Variants in LRRCC1 observed in about 807,000 individuals in gnomAD.
LRRCC1 encodes leucine rich repeat and coiled-coil centrosomal protein 1.
Under a neutral mutation model 126.0 loss-of-function variants are expected in LRRCC1, and 115 were observed. The observed-to-expected ratio is 0.91, with a 90% CI of 0.78 to 1.07. The LOEUF (loss-of-function observed/expected upper bound fraction) is 1.07, where lower values mean the gene tolerates loss of function less well. LRRCC1 is among the 50% of genes least tolerant of loss of function. The pLI, the probability that LRRCC1 is intolerant of heterozygous loss-of-function variation, is 0.00. For synonymous variants in LRRCC1, 400 were observed against 393.4 expected (o/e 1.02, Z -0.20); for missense variants, 1,172 against 1,175.7 (o/e 1.00, Z 0.05).
intron 14 of LRRCC1, among the ~76,000 whole-genome samples, 174 bp downstream of exon 14, chr8:85,136,137 G>C (rs978117566): frequency 6.6e-6 from 1 of 152,140 alleles, no homozygotes; most frequent in Non-Finnish European, 1.5e-5. Context: ...GACCTCTTAG[G>C]AAATGAGAAA....
chr8:85,116,188 T>C (rs1238393257), intron 6 of LRRCC1, among the ~76,000 whole-genome samples: 1 of 152,160 alleles, frequency 6.6e-6, no homozygotes, highest in Non-Finnish European at 1.5e-5. Context: ...CAACCCTCAC[T>C]CCAGCATTCT....
intron 18 of LRRCC1, among the ~76,000 whole-genome samples, chr8:85,143,427 C>G (rs1388245844): frequency 6.6e-6 from 1 of 151,950 alleles, no homozygotes; most frequent in Admixed American, 6.6e-5. Context: ...CACTCAAGAC[C>G]AGGAGTTCAA....
At chr8:85,144,038 G>A (rs768986016) in intron 18 of LRRCC1, among the ~76,000 whole-genome samples, 22 of 152,136 alleles carry the variant, frequency 1.4e-4, no homozygotes, top group African/African-American at 4.3e-4. Context: ...TTACGATATC[G>A]TAGGAAAGAC....
At chr8:85,139,757 G>A (rs1178828487) in intron 17 of LRRCC1, among the ~76,000 whole-genome samples, 1 of 152,214 alleles carries the variant, frequency 6.6e-6, no homozygotes, top group African/African-American at 2.4e-5. Flanking sequence ...CTCGTGTGAA[G>A]ATAGAGTGAT....
chr8:85,119,016 TG>T, intron 6 of LRRCC1, among the ~76,000 whole-genome samples: 1 of 152,296 alleles, frequency 6.6e-6, no homozygotes, highest in East Asian at 1.9e-4. Flanking sequence ...TATACATATA[TG>T]GTTCACTCTT....
At chr8:85,125,401 C>T (rs1259299963) in intron 8 of LRRCC1, among the ~76,000 whole-genome samples, 1 of 151,930 alleles carries the variant, frequency 6.6e-6, no homozygotes, top group African/African-American at 2.4e-5. Context: ...AGGCCGGGCG[C>T]GGTGGCTCAC....
chr8:85,126,900 G>A, intron 9 of LRRCC1, 63 bp downstream of exon 9: 3 of 1,367,366 alleles, frequency 2.2e-6, no homozygotes, highest in Non-Finnish European at 3.0e-6. Flanking sequence ...CTTTAGAACT[G>A]GAATACATTA....
intron 8 of LRRCC1, 119 bp from the exon 9 acceptor site, chr8:85,126,569 AG>A (rs11296342): frequency 0.057 from 46,892 of 821,656 alleles, 2,562 homozygotes; most frequent in African/African-American, 0.24. Flanking sequence ...TAAAATAAAA[AG>A]TTTCACTGTA....
intron 11 of LRRCC1, among the ~76,000 whole-genome samples, chr8:85,130,422 A>G (rs2135972796): frequency 6.6e-6 from 1 of 151,900 alleles, no homozygotes; most frequent in East Asian, 1.9e-4. Flanking sequence ...GATTACAGGC[A>G]TGAGCCACCG....
In LRRCC1 at chr8:85,130,666, T is replaced by G. The variant is rs559427026; in HGVS notation, c.1766+608T>G. 1.2e-4 allele frequency among the ~76,000 whole-genome samples: 18 copies of G among 152,316 alleles called. 1 individual carries two copies. In the South Asian group the frequency reaches 3.7e-3, roughly 32 times the overall value. The stretch of plus-strand genomic sequence containing the variant: ...TCAAACCCAGCCAAAAGTTGGTCTT[T>G]ATATAGAGAGAAAATTTTTAATTGA... On this transcript the variant is annotated intron_variant, in intron 11 of 18. Coordinates refer to ENST00000360375, the MANE Select transcript of LRRCC1 (RefSeq NM_033402.5).
At chr8:85,139,286 C>T (rs1343989334) in intron 17 of LRRCC1, among the ~76,000 whole-genome samples, 1 of 152,002 alleles carries the variant, frequency 6.6e-6, no homozygotes, top group African/African-American at 2.4e-5. Context: ...TTTTCCGAGA[C>T]TGAGTTTCAT....
At chr8:85,143,998 A>G (rs2136013445) in intron 18 of LRRCC1, among the ~76,000 whole-genome samples, 1 of 152,342 alleles carries the variant, frequency 6.6e-6, no homozygotes, top group African/African-American at 2.4e-5. Context: ...AAACAGAAAA[A>G]TGGTCATATT....
At chr8:85,136,987 G>C (rs1339457698) in intron 14 of LRRCC1, among the ~76,000 whole-genome samples, 1 of 150,312 alleles carries the variant, frequency 6.7e-6, no homozygotes, top group Non-Finnish European at 1.5e-5. Flanking sequence ...ACTATGCCCG[G>C]CTAATTTTTT....
chr8:85,145,665 A>G lies in LRRCC1; in HGVS notation c.*154A>G. ...TTTAAAGACTTTTGATCAAGTATTT[A>G]TTAATTGTATAGGTTTTTTATAATA... On this transcript the variant is annotated 3_prime_UTR_variant, in exon 19 of 19. Coordinates refer to ENST00000360375, the MANE Select transcript of LRRCC1 (RefSeq NM_033402.5). 2.0e-6 allele frequency: 1 copy of G among 501,960 alleles called. No homozygotes were observed. Among genetic ancestry groups the G allele is most frequent in the Non-Finnish European group, 3.2e-6 (1 of 311,820 alleles). 31.1% of individuals were successfully genotyped at this position (501,960 alleles called of 1,614,324 possible).
In LRRCC1 at chr8:85,138,259, G is replaced by C. The variant is rs773668324; in HGVS notation, c.2702+16G>C. 6 of 1,576,602 alleles carry C rather than the reference G, an allele frequency of 3.8e-6. No homozygotes were observed. The highest frequency in any genetic ancestry group is 1.7e-4 in the Middle Eastern group (1 of 5,886). ...AAGCTTACAGGTATTATATAGTACAGTATTTCCCACTGAGAAATAAAATGT... is the reference window on the plus strand; with the variant it reads ...AAGCTTACAGGTATTATATAGTACACTATTTCCCACTGAGAAATAAAATGT... On this transcript the variant is annotated intron_variant, in intron 16 of 18. Transcript: ENST00000360375.
intron 14 of LRRCC1, among the ~76,000 whole-genome samples, chr8:85,136,789 G>T (rs938630991): frequency 3.9e-5 from 6 of 151,996 alleles, no homozygotes; most frequent in Non-Finnish European, 7.4e-5. Context: ...TGTTTTGTTT[G>T]CATTCACAGA....
At chr8:85,136,479 T>A (rs1035937149) in intron 14 of LRRCC1, among the ~76,000 whole-genome samples, 2 of 152,098 alleles carry the variant, frequency 1.3e-5, no homozygotes, top group African/African-American at 4.8e-5. Context: ...TTAACCATGT[T>A]GGCCAGGCTG....
chr8:85,116,155 GA>G (rs1809108556), intron 6 of LRRCC1, among the ~76,000 whole-genome samples: 1 of 152,078 alleles, frequency 6.6e-6, no homozygotes, highest in African/African-American at 2.4e-5. Context: ...ACAATTCCTA[GA>G]ATTTACTGCT....
In LRRCC1 at chr8:85,113,035, G is replaced by A; in HGVS notation, c.480G>A (p.Leu160=). The A allele has an allele frequency of 6.2e-7, 1 of 1,612,360 alleles. No individual in the cohort carries two copies. Among genetic ancestry groups the A allele is most frequent in the African/African-American group, 1.3e-5 (1 of 75,014 alleles). The change falls in exon 4 of 19, where the codon TTG becomes TTA. Residue 160 remains leucine (L), a synonymous_variant. Transcript: ENST00000360375. The stretch of plus-strand genomic sequence containing the variant: ...ACTTACTTCAGTGTATGGTAGGATT[G>A]CACTTCCTGACCAATCTTATTTTGG... ...IHHLLQCMVG[L]HFLTNLILEK... is the part of the protein sequence containing the mutation.
Sources: gnomAD v4.1 joint callset for allele counts (sites outside exome capture counted in the v4.1 genomes callset) on GRCh38, gnomAD v4.1.1 for gene constraint, MANE v1.5 for transcripts, NCBI Gene and HGNC (gene_info 2026-07-23, HGNC 2026-07-21) for gene names.